The following NDUFS2 variants were observed in gnomAD, a reference collection of about 807,000 sequenced individuals.
NDUFS2 encodes NADH:ubiquinone oxidoreductase core subunit S2, also known as NADH dehydrogenase [ubiquinone] iron-sulfur protein 2, mitochondrial.
NDUFS2 carries 38 observed loss-of-function variants against 69.6 expected under a neutral mutation model. That is an observed-to-expected ratio of 0.55 (90% CI 0.42 to 0.72). The LOEUF is 0.72. Among genes scored for constraint, NDUFS2 ranks in the 30% least tolerant of loss-of-function variants. NDUFS2 has a pLI of 0.00. For missense variants in NDUFS2, 468 were observed against 595.0 expected, an observed-to-expected ratio of 0.79 and a Z score of 2.22; for synonymous variants, 194 against 211.2, an observed-to-expected ratio of 0.92 and a Z score of 0.70.
chr1:161,207,104 G>A (rs549569072), intron 3 of NDUFS2, among the ~76,000 whole-genome samples: 3 of 152,372 alleles, frequency 2.0e-5, no homozygotes, highest in African/African-American at 7.2e-5. Flanking sequence ...CAGATTTGAA[G>A]GAGTTGGATC....
At chr1:161,198,846 T>C, upstream of NDUFS2, 1 of 482,912 alleles carries the variant, frequency 2.1e-6, no homozygotes, top group Non-Finnish European at 3.6e-6. The surrounding 1 kb of genome is among the most constrained non-coding windows in gnomAD (Gnocchi z 4.7). Context: ...CTCCAAACTC[T>C]CCTCCTGAGC....
At position 161,206,470 on chromosome 1, in the gene NDUFS2, C is replaced by T. The variant is rs1665467944; in HGVS notation, c.266C>T (p.Pro89Leu). 1 of 1,614,154 alleles carries T rather than the reference C, an allele frequency of 6.2e-7. No individual in the cohort carries two copies. The change falls in exon 3 of 14, where the codon CCA (proline) becomes CTA (leucine). Residue 89 changes from proline (P) to leucine (L), a missense_variant. Coordinates refer to ENST00000676972, the MANE Select transcript of NDUFS2 (RefSeq NM_001377299.1). ...NITLNFGPQHPAAHGVLRLVM... is the reference protein window; with the variant it reads ...NITLNFGPQHLAAHGVLRLVM... ...ACCCTGAACTTTGGGCCCCAACACC[C>T]AGCAGCGCATGGTGTCCTGCGACTA...
chr1:161,200,840 G>A (rs1316786103), upstream of NDUFS2, among the ~76,000 whole-genome samples: 6 of 152,130 alleles, frequency 3.9e-5, no homozygotes, highest in African/African-American at 1.4e-4. Flanking sequence ...AAAGACAAAG[G>A]GCTTTAGAGT....
chr1:161,199,045 G>A (rs1665001770), upstream of NDUFS2: 1 of 167,194 alleles, frequency 6.0e-6, no homozygotes, highest in Admixed American at 6.3e-5. Context: ...GTCTCCCTGT[G>A]GGTTCTCCCC....
chr1:161,198,054 G>A (rs151081522), upstream of NDUFS2: 6 of 1,605,858 alleles, frequency 3.7e-6, no homozygotes, highest in Middle Eastern at 1.7e-4. The surrounding 1 kb of genome is among the most constrained non-coding windows in gnomAD (Gnocchi z 4.7). Context: ...TTGCACATGG[G>A]ACCTTGACCG....
At chr1:161,198,562 G>A, upstream of NDUFS2, 1 of 1,559,652 alleles carries the variant, frequency 6.4e-7, no homozygotes, top group African/African-American at 1.4e-5. The surrounding 1 kb of genome is among the most constrained non-coding windows in gnomAD (Gnocchi z 4.7). Flanking sequence ...GCAGGAGGCA[G>A]GGTTGGGCTC....
intron 1 of NDUFS2, among the ~76,000 whole-genome samples, chr1:161,202,841 T>G (rs543127901): frequency 1.3e-5 from 2 of 152,216 alleles, no homozygotes; most frequent in African/African-American, 2.4e-5. Context: ...ACCTGGTTGA[T>G]AATATCAATA....
At chr1:161,214,096 GT>G (rs1665920278) in intron 13 of NDUFS2, 59 bp from the exon 14 acceptor site, 1 of 1,613,582 alleles carries the variant, frequency 6.2e-7, no homozygotes, top group Non-Finnish European at 8.5e-7. Context: ...TTTTTTGTTT[GT>G]TTTGCCTCAC....
At chr1:161,205,048 C>CAA (rs57271297) in intron 2 of NDUFS2, among the ~76,000 whole-genome samples, 1 of 111,506 alleles carries the variant, frequency 9.0e-6, no homozygotes, top group Non-Finnish European at 1.9e-5. Context: ...AAGACTGTCT[C>CAA]AAAAAAAAAA....
Position 161,210,663 on chromosome 1 carries a change from G to C in NDUFS2, c.939G>C (p.Gln313His), listed in dbSNP as rs1160043028. 5 of 1,614,156 alleles carry C rather than the reference G, an allele frequency of 3.1e-6. No individual in the cohort carries two copies. In the East Asian group the frequency reaches 1.1e-4, roughly 36 times the overall value. Residue 313 changes from glutamine to histidine, a missense_variant, in exon 9 of 14, where the codon CAG becomes CAC. Physicochemically the swap from Gln to His is conservative, Grantham distance 24. This residue lies in a region of NDUFS2 where 339 missense variants were observed against 433.8 expected (regional missense o/e 0.78). Coordinates refer to ENST00000676972, the MANE Select transcript of NDUFS2 (RefSeq NM_001377299.1). ...RKTQPYDVYD[Q>H]VEFDVPVGSR... ...CCCAGCCCTATGATGTTTACGACCA[G>C]GTTGAGTTTGATGTTCCTGTTGGTT...
At position 161,202,465 on chromosome 1, in the gene NDUFS2, C is replaced by T. The variant is rs745846016; in HGVS notation, c.80C>T (p.Pro27Leu). Residue 27 changes from proline (P) to leucine (L), a missense_variant, in exon 1 of 14, where the codon CCG becomes CTG. This residue lies in a region of NDUFS2 where 57 missense variants were observed against 42.3 expected (regional missense o/e 1.35). Coordinates refer to ENST00000676972, the MANE Select transcript of NDUFS2 (RefSeq NM_001377299.1). ...CGGCCTGGGGCTGGAGTCCGATTGCCGATTCAGCCCAGCAGGTGAGATCGA... is the reference window on the plus strand; with the variant it reads ...CGGCCTGGGGCTGGAGTCCGATTGCTGATTCAGCCCAGCAGGTGAGATCGA... The part of the protein sequence containing the change: ...VLRPGAGVRL[P>L]IQPSRGVRQW... 9.3e-6 allele frequency: 15 copies of T among 1,611,424 alleles called. No homozygotes were observed. The East Asian group carries it at 2.7e-4, about 29-fold the overall frequency.
intron 1 of NDUFS2, 61 bp from the exon 2 acceptor site, chr1:161,203,376 G>C: frequency 7.0e-7 from 1 of 1,428,284 alleles, no homozygotes; most frequent in Non-Finnish European, 9.9e-7. Context: ...AGAGTGAATG[G>C]GAACACAGGA....
chr1:161,208,075 C>T (rs1335810112), intron 3 of NDUFS2, among the ~76,000 whole-genome samples: 1 of 150,200 alleles, frequency 6.7e-6, no homozygotes. Flanking sequence ...AACTCCACCT[C>T]CCAGGTTCAA....
In NDUFS2 at chr1:161,212,362, G is replaced by T. The variant is rs150981760; in HGVS notation, c.998G>T (p.Arg333Leu). Residue 333 changes from arginine to leucine, a missense_variant, in exon 10 of 14, where the codon CGG becomes CTG. Arg to Leu is a moderately radical substitution (Grantham distance 102). This residue lies in a region of NDUFS2 where 339 missense variants were observed against 433.8 expected (regional missense o/e 0.78). Coordinates refer to ENST00000676972, the MANE Select transcript of NDUFS2 (RefSeq NM_001377299.1). The stretch of plus-strand genomic sequence containing the variant: ...CTCATCTTCTTGAGGTACCTGTGCC[G>T]GGTGGAGGAGATGCGCCAGTCCCTG... The part of the protein sequence containing the change: ...RGDCYDRYLC[R>L]VEEMRQSLRI... 1.2e-6 allele frequency: 2 copies of T among 1,613,402 alleles called. No individual in the cohort carries two copies. The highest frequency in any genetic ancestry group is 3.3e-5 in the Admixed American group (2 of 59,988).
upstream of NDUFS2, chr1:161,198,458 C>T (rs1043925604): frequency 3.2e-6 from 5 of 1,573,140 alleles, no homozygotes; most frequent in East Asian, 2.4e-5. This position sits in a 1 kb window ranked among gnomAD's most constrained non-coding sequence, Gnocchi z 4.7. Flanking sequence ...CTCCTCCTCC[C>T]GGGGGAGGGG....
chr1:161,211,121 C>T (rs558920475), intron 9 of NDUFS2, among the ~76,000 whole-genome samples: 11 of 152,294 alleles, frequency 7.2e-5, no homozygotes, highest in Admixed American at 5.9e-4. Flanking sequence ...GTGATCTACC[C>T]GCCTCGGCCT....
intron 9 of NDUFS2, among the ~76,000 whole-genome samples, chr1:161,211,926 T>G (rs1665788467): frequency 6.6e-6 from 1 of 151,944 alleles, no homozygotes; most frequent in South Asian, 2.1e-4. Flanking sequence ...AGCAAACGAT[T>G]ACAGGGGGCT....
At chr1:161,212,295 A>G in intron 9 of NDUFS2, 56 bp from the exon 10 acceptor site, 1 of 1,610,058 alleles carries the variant, frequency 6.2e-7, no homozygotes, top group African/African-American at 1.3e-5. Flanking sequence ...CATCCTTCCT[A>G]GCCCCATACC....
intron 10 of NDUFS2, chr1:161,213,096 G>C (rs1665862854): frequency 2.7e-6 from 1 of 370,222 alleles, no homozygotes; most frequent in African/African-American, 2.1e-5. Context: ...GTAGAGACGG[G>C]GTTTCACTCT....
Sources: allele counts gnomAD v4.1 joint callset (sites outside exome capture counted in the v4.1 genomes callset), GRCh38; gene constraint gnomAD v4.1.1; regional missense constraint gnomAD v4.1.1; non-coding constraint Gnocchi (gnomAD v3.1); transcripts MANE v1.5; gene names NCBI Gene and HGNC (gene_info 2026-07-23, HGNC 2026-07-21).